HCN1: variants seen among roughly 807,000 people sequenced by gnomAD.
HCN1 encodes potassium/sodium hyperpolarization-activated cyclic nucleotide-gated channel 1.
In HCN1, 13 loss-of-function variants were observed where a neutral mutation model predicts 78.9. That is an observed-to-expected ratio of 0.16 (90% CI 0.11 to 0.26). The LOEUF (loss-of-function observed/expected upper bound fraction) is 0.26. Among genes scored for constraint, HCN1 ranks in the 10% least tolerant of loss-of-function variants. HCN1 has a pLI of 1.00. For missense variants in HCN1, 810 were observed against 1,154.3 expected (o/e 0.70, Z 4.32); for synonymous variants, 552 against 455.5 (o/e 1.21, Z -2.70).
At chr5:45,311,243 G>A (rs1458749602) in intron 5 of HCN1, among the ~76,000 whole-genome samples, 3 of 151,980 alleles carry the variant, frequency 2.0e-5, no homozygotes, top group South Asian at 4.2e-4. Flanking sequence ...CAAAAGTGAG[G>A]GAGAAACAAA....
chr5:45,434,577 A>C (rs1263265186), intron 3 of HCN1, among the ~76,000 whole-genome samples: 1 of 152,240 alleles, frequency 6.6e-6, no homozygotes, highest in Non-Finnish European at 1.5e-5. Flanking sequence ...AGTTAAAATC[A>C]TCACTATGCA....
intron 5 of HCN1, among the ~76,000 whole-genome samples, chr5:45,330,101 T>C (rs927478043): frequency 9.2e-5 from 14 of 151,402 alleles, no homozygotes. Flanking sequence ...GTTTAATTCT[T>C]ATATTACTAT....
intron 2 of HCN1, among the ~76,000 whole-genome samples, chr5:45,462,959 C>G (rs887115934): frequency 6.6e-6 from 1 of 151,824 alleles, no homozygotes; most frequent in African/African-American, 2.4e-5. Context: ...GGGAGCAGAC[C>G]TACATTGTAG....
At chr5:45,299,429 A>G (rs1374344502) in intron 6 of HCN1, among the ~76,000 whole-genome samples, 2 of 152,034 alleles carry the variant, frequency 1.3e-5, no homozygotes, top group African/African-American at 4.8e-5. Flanking sequence ...CTCTGTCTCT[A>G]TAACTATTTT....
At chr5:45,455,585 G>A (rs1188735774) in intron 3 of HCN1, among the ~76,000 whole-genome samples, 4 of 151,896 alleles carry the variant, frequency 2.6e-5, no homozygotes, top group Middle Eastern at 6.8e-3. Context: ...AAGAAGCTAC[G>A]TACAAGAAAG....
rs1473123524 is a variant in HCN1 at position 45,520,398 on chromosome 5, T to C, written c.850-58391A>G. ...TTTGGAATATGTGTATATCACCTAGTAATTGGTTTGTATTTAACTTATGGA... is the reference window on the plus strand; with the variant it reads ...TTTGGAATATGTGTATATCACCTAGCAATTGGTTTGTATTTAACTTATGGA... On this transcript the variant is annotated intron_variant, in intron 2 of 7. Coordinates refer to ENST00000303230, the MANE Select transcript of HCN1 (RefSeq NM_021072.4). 2.0e-5 allele frequency among the ~76,000 whole-genome samples: 3 copies of C among 152,134 alleles called. No individual in the cohort carries two copies. In the East Asian group the frequency reaches 5.8e-4, roughly 29 times the overall value.
At chr5:45,320,012 T>C (rs1385313476) in intron 5 of HCN1, among the ~76,000 whole-genome samples, 1 of 151,922 alleles carries the variant, frequency 6.6e-6, no homozygotes, top group African/African-American at 2.4e-5. Flanking sequence ...GTTTTAAGCA[T>C]GGTAGCTATA....
Position 45,341,060 on chromosome 5 carries a change from T to A in HCN1, c.1377+12040A>T, listed in dbSNP as rs192316745. On this transcript the variant is annotated intron_variant, in intron 5 of 7. Coordinates refer to ENST00000303230, the MANE Select transcript of HCN1 (RefSeq NM_021072.4). ...GGAATATATCCTTCATTCTATCTTATCTTTCTGTCTTTTTATTTGATCTTT... is the reference window on the plus strand; with the variant it reads ...GGAATATATCCTTCATTCTATCTTAACTTTCTGTCTTTTTATTTGATCTTT... Among the ~76,000 whole-genome samples the A allele has an allele frequency of 6.4e-4, 98 of 152,344 alleles. 1 individual carries two copies. The East Asian group carries it at 0.011, about 17-fold the overall frequency.
At chr5:45,653,721 G>T (rs1051442164) in intron 1 of HCN1, among the ~76,000 whole-genome samples, 4 of 152,014 alleles carry the variant, frequency 2.6e-5, no homozygotes, top group African/African-American at 7.2e-5. Flanking sequence ...TTTGAACAAT[G>T]AGAACACATG....
At chr5:45,392,775 G>A (rs1029175174) in intron 4 of HCN1, among the ~76,000 whole-genome samples, 5 of 149,744 alleles carry the variant, frequency 3.3e-5, no homozygotes. Flanking sequence ...AACAGAGCGA[G>A]ACTCCATCTC....
At chr5:45,303,188 T>A (rs1745661917) in intron 6 of HCN1, among the ~76,000 whole-genome samples, 1 of 152,140 alleles carries the variant, frequency 6.6e-6, no homozygotes. Flanking sequence ...AAACAGAAGC[T>A]GTTAGTTTTT....
chr5:45,693,056 A>G (rs1279625475), intron 1 of HCN1, among the ~76,000 whole-genome samples: 1 of 152,140 alleles, frequency 6.6e-6, no homozygotes, highest in Non-Finnish European at 1.5e-5. Context: ...CCCTGAAATA[A>G]TCCTTCAGGA....
chr5:45,688,942 C>G (rs1302482540), intron 1 of HCN1, among the ~76,000 whole-genome samples: 5 of 151,964 alleles, frequency 3.3e-5, no homozygotes, highest in African/African-American at 1.2e-4. Flanking sequence ...CAAAAATCTA[C>G]AGAGACAGAG....
chr5:45,344,778 C>A (rs1746662890), intron 5 of HCN1, among the ~76,000 whole-genome samples: 1 of 152,216 alleles, frequency 6.6e-6, no homozygotes, highest in African/African-American at 2.4e-5. Context: ...CATCTACCAG[C>A]TGCTTTCATG....
At chr5:45,347,586 A>C (rs1457208089) in intron 5 of HCN1, among the ~76,000 whole-genome samples, 2 of 152,196 alleles carry the variant, frequency 1.3e-5, no homozygotes, top group Non-Finnish European at 2.9e-5. Context: ...GAGGAAATTC[A>C]AACCAAAGGC....
chr5:45,684,927 T>C (rs1349533048), intron 1 of HCN1, among the ~76,000 whole-genome samples: 1 of 152,182 alleles, frequency 6.6e-6, no homozygotes, highest in Non-Finnish European at 1.5e-5. Context: ...TCTCTGCTCA[T>C]GTTCCTCAAA....
In HCN1 at chr5:45,652,204, AT is replaced by A. The variant is rs893055322; in HGVS notation, c.426-6597del. ...TATTTCCCCCTTCTCCTGAAACTGT[AT>A]TTTTTTATTGTTTGTTAACCTTCTG... On this transcript the variant is annotated intron_variant, in intron 1 of 7. Transcript: ENST00000303230. Among the ~76,000 whole-genome samples the A allele has an allele frequency of 4.6e-5, 7 of 151,752 alleles. No homozygotes were observed. In the East Asian group the frequency reaches 1.4e-3, roughly 29 times the overall value.
At chr5:45,312,824 C>A (rs369777959) in intron 5 of HCN1, among the ~76,000 whole-genome samples, 1 of 152,160 alleles carries the variant, frequency 6.6e-6, no homozygotes, top group African/African-American at 2.4e-5. Flanking sequence ...GGGGGAGGGG[C>A]GCCCACCATT....
intron 2 of HCN1, among the ~76,000 whole-genome samples, chr5:45,504,923 C>A (rs1306808430): frequency 2.0e-5 from 3 of 152,158 alleles, no homozygotes; most frequent in African/African-American, 4.8e-5. Flanking sequence ...TGTTCATATC[C>A]TTCGCCCACT....
Sources: gnomAD v4.1 joint callset for allele counts (sites outside exome capture counted in the v4.1 genomes callset) on GRCh38, gnomAD v4.1.1 for gene constraint, MANE v1.5 for transcripts, NCBI Gene and HGNC (gene_info 2026-07-23, HGNC 2026-07-21) for gene names.